The following NEGR1 variants were observed in gnomAD, a reference collection of about 807,000 sequenced individuals.
NEGR1 encodes the protein neuronal growth regulator 1.
In NEGR1, 10 loss-of-function variants were observed where a neutral mutation model predicts 40.9. The ratio of observed to expected loss-of-function variants is 0.24; its 90% CI spans 0.15 to 0.42. The LOEUF (loss-of-function observed/expected upper bound fraction) is 0.42, where lower values mean the gene tolerates loss of function less well. Ranked by LOEUF, NEGR1 falls within the 10% of genes least tolerant of loss-of-function variation. NEGR1 has a pLI of 1.00. For missense variants in NEGR1, 352 were observed against 438.9 expected (o/e 0.80, Z 1.77); for synonymous variants, 185 against 166.8 (o/e 1.11, Z -0.84).
intron 1 of NEGR1, among the ~76,000 whole-genome samples, chr1:72,193,434 T>C (rs1178351569): frequency 6.6e-6 from 1 of 151,726 alleles, no homozygotes; most frequent in Admixed American, 6.6e-5. Context: ...TTAGGGACTA[T>C]ATGAATCTGC....
Position 71,717,683 on chromosome 1 carries a change from A to G in NEGR1, c.536-19544T>C, listed in dbSNP as rs77836311. On this transcript the variant is annotated intron_variant, in intron 3 of 6. Transcript: ENST00000357731. Reference sequence around the variant, plus strand: ...GATGCTGTTGTGGACTCAGTTGTGTACCCCTGAAATTCATATGTTAAAGTC... The same window carrying G: ...GATGCTGTTGTGGACTCAGTTGTGTGCCCCTGAAATTCATATGTTAAAGTC... Among the ~76,000 whole-genome samples the G allele has an allele frequency of 1.2e-4, 18 of 152,322 alleles. No homozygotes were observed. The East Asian group carries it at 3.5e-3, about 29-fold the overall frequency.
intron 1 of NEGR1, among the ~76,000 whole-genome samples, chr1:72,197,925 T>C (rs1653056905): frequency 6.6e-6 from 1 of 152,084 alleles, no homozygotes; most frequent in South Asian, 2.1e-4. Flanking sequence ...AATTCAGTAT[T>C]TTCCTTTGCA....
At chr1:71,700,182 A>G (rs778816421) in intron 3 of NEGR1, among the ~76,000 whole-genome samples, 3 of 152,012 alleles carry the variant, frequency 2.0e-5, no homozygotes, top group Non-Finnish European at 2.9e-5. Context: ...ATTATGTGTA[A>G]GGAACCATAT....
chr1:71,740,993 A>T (rs547843645), intron 3 of NEGR1, among the ~76,000 whole-genome samples: 1 of 152,326 alleles, frequency 6.6e-6, no homozygotes, highest in African/African-American at 2.4e-5. Context: ...GGTTGGCTCA[A>T]GTGTCTGATT....
intron 1 of NEGR1, among the ~76,000 whole-genome samples, chr1:72,020,594 C>A (rs1386233963): frequency 6.9e-6 from 1 of 145,028 alleles, no homozygotes; most frequent in Non-Finnish European, 1.5e-5. Flanking sequence ...AAAAGTCAAA[C>A]AACAGAAAAA....
intron 2 of NEGR1, among the ~76,000 whole-genome samples, chr1:71,813,947 T>C (rs1381966970): frequency 6.6e-6 from 1 of 152,036 alleles, no homozygotes; most frequent in African/African-American, 2.4e-5. Context: ...TGATTGCCCT[T>C]GCCAGAACTT....
At chr1:72,137,488 C>A (rs1165619905) in intron 1 of NEGR1, among the ~76,000 whole-genome samples, 3 of 149,720 alleles carry the variant, frequency 2.0e-5, no homozygotes, top group African/African-American at 7.4e-5. Flanking sequence ...AGCAAAGTAA[C>A]ACAAGAAGAG....
intron 1 of NEGR1, among the ~76,000 whole-genome samples, chr1:72,095,578 G>A (rs1648665828): frequency 6.6e-6 from 1 of 151,972 alleles, no homozygotes; most frequent in Non-Finnish European, 1.5e-5. Context: ...TAAATGCCAA[G>A]TTTCCCACAC....
At chr1:71,622,794 G>A (rs960647072) in intron 4 of NEGR1, among the ~76,000 whole-genome samples, 2 of 151,828 alleles carry the variant, frequency 1.3e-5, no homozygotes, top group African/African-American at 4.8e-5. Context: ...CCTTAGGCCA[G>A]TTCCTCACTG....
At chr1:71,624,982 C>G (rs762773184) in intron 4 of NEGR1, among the ~76,000 whole-genome samples, 11 of 152,004 alleles carry the variant, frequency 7.2e-5, no homozygotes, top group Admixed American at 4.6e-4. Flanking sequence ...AGACCAGTGC[C>G]TGAAGCATAC....
intron 1 of NEGR1, among the ~76,000 whole-genome samples, chr1:72,032,200 C>A (rs1646864213): frequency 6.6e-6 from 1 of 152,164 alleles, no homozygotes; most frequent in Non-Finnish European, 1.5e-5. Context: ...GGTATGATCA[C>A]TCTAAAACCT....
At chr1:71,990,994 A>G (rs1169903783) in intron 1 of NEGR1, among the ~76,000 whole-genome samples, 1 of 151,726 alleles carries the variant, frequency 6.6e-6, no homozygotes, top group Non-Finnish European at 1.5e-5. Context: ...CTTTCCTTGT[A>G]TCAATCCTGC....
At chr1:72,183,281 T>C (rs1469246205) in intron 1 of NEGR1, among the ~76,000 whole-genome samples, 1 of 152,110 alleles carries the variant, frequency 6.6e-6, no homozygotes, top group African/African-American at 2.4e-5. Context: ...CCCAGGCTTC[T>C]TTAAGTGATT....
chr1:72,228,847 G>C (rs1015682741), intron 1 of NEGR1, among the ~76,000 whole-genome samples: 1 of 152,062 alleles, frequency 6.6e-6, no homozygotes, highest in Admixed American at 6.6e-5. Context: ...TTCTTAAGGA[G>C]GGAGGTCAGA....
intron 1 of NEGR1, among the ~76,000 whole-genome samples, chr1:72,162,033 T>G (rs936673024): frequency 2.0e-5 from 3 of 152,108 alleles, no homozygotes; most frequent in African/African-American, 7.2e-5. Flanking sequence ...TGCTAAAAGT[T>G]ACAGATTGGG....
intron 4 of NEGR1, among the ~76,000 whole-genome samples, chr1:71,619,938 A>G (rs1039412656): frequency 6.6e-6 from 1 of 152,072 alleles, no homozygotes; most frequent in Non-Finnish European, 1.5e-5. Flanking sequence ...TCTTTCTCTC[A>G]TGCCATCCTC....
intron 2 of NEGR1, among the ~76,000 whole-genome samples, chr1:71,854,352 G>A (rs933113981): frequency 2.6e-5 from 4 of 151,952 alleles, no homozygotes; most frequent in Non-Finnish European, 5.9e-5. Flanking sequence ...ATATAGTACA[G>A]TGCCTAAAAT....
At chr1:71,989,876 TG>T (rs776654994) in intron 1 of NEGR1, among the ~76,000 whole-genome samples, 8 of 152,342 alleles carry the variant, frequency 5.3e-5, no homozygotes, top group Middle Eastern at 3.4e-3. Context: ...TTGCAGTTAA[TG>T]TTTTTTTAAT....
chr1:71,685,890 T>G (rs931159181), intron 4 of NEGR1, among the ~76,000 whole-genome samples: 2 of 152,196 alleles, frequency 1.3e-5, no homozygotes, highest in Non-Finnish European at 2.9e-5. Flanking sequence ...TTATGCCAAT[T>G]TTTTGGCATC....
Sources: allele counts gnomAD v4.1 joint callset (sites outside exome capture counted in the v4.1 genomes callset), GRCh38; gene constraint gnomAD v4.1.1; transcripts MANE v1.5; gene names NCBI Gene and HGNC (gene_info 2026-07-23, HGNC 2026-07-21).